Variants in NUP155 observed in about 807,000 individuals in gnomAD.
NUP155 encodes nuclear pore complex protein Nup155.
NUP155 carries 71 observed loss-of-function variants against 180.4 expected under a neutral mutation model. That is an observed-to-expected ratio of 0.39 (90% CI 0.33 to 0.48). The LOEUF (loss-of-function observed/expected upper bound fraction) is 0.48. Ranked by LOEUF, NUP155 falls within the 20% of genes least tolerant of loss-of-function variation. The pLI, the probability that NUP155 is intolerant of heterozygous loss-of-function variation, is 0.91. For synonymous variants in NUP155, 582 were observed against 559.5 expected, an observed-to-expected ratio of 1.04 and a Z score of -0.57; for missense variants, 1,553 against 1,648.9, an observed-to-expected ratio of 0.94 and a Z score of 1.01.
chr5:37,327,505 A>T, intron 18 of NUP155, 124 bp downstream of exon 18: 3 of 998,724 alleles, frequency 3.0e-6, no homozygotes, highest in Admixed American at 4.0e-5. Context: ...TTTATTGATC[A>T]ACAAGTGAGC....
rs2150932215 is a variant in NUP155, at chr5:37,290,044, C to G, written c.*1856G>C. On this transcript the variant is annotated 3_prime_UTR_variant, in exon 35 of 35. Coordinates refer to ENST00000231498, the MANE Select transcript of NUP155 (RefSeq NM_153485.3). The stretch of plus-strand genomic sequence containing the variant: ...AAAAGGGAGCTGAATTCTAAGAGAA[C>G]AAATGTAGAGAAGGCAACCCTATGG... 1 of 152,142 alleles carries G rather than the reference C, an allele frequency of 6.6e-6. No individual in the cohort carries two copies. Among genetic ancestry groups the G allele is most frequent in the African/African-American group, 2.4e-5 (1 of 41,514 alleles). The allele number at this position is 152,142 out of a possible 1,614,324, so 9.4% of individuals were successfully genotyped here. A position where few individuals can be genotyped will look rare whatever the true frequency, so the allele number is the denominator to read the frequency against.
At chr5:37,336,808 C>T (rs1191997676) in intron 12 of NUP155, among the ~76,000 whole-genome samples, 1 of 152,202 alleles carries the variant, frequency 6.6e-6, no homozygotes, top group Non-Finnish European at 1.5e-5. Context: ...GCAGACAATA[C>T]TCCCATCCCT....
chr5:37,364,069 G>T (rs1216073509), intron 2 of NUP155, 85 bp from the exon 3 acceptor site: 3 of 1,231,052 alleles, frequency 2.4e-6, no homozygotes, highest in Non-Finnish European at 3.6e-6. Flanking sequence ...TAATATTTAC[G>T]TAAAAAATCA....
intron 21 of NUP155, 101 bp downstream of exon 21, chr5:37,317,887 G>A: frequency 1.3e-6 from 1 of 791,566 alleles, no homozygotes; most frequent in South Asian, 1.4e-5. Context: ...AAATATTTGT[G>A]TACAAAGTAC....
At chr5:37,317,159 A>C (rs1412385566) in intron 21 of NUP155, among the ~76,000 whole-genome samples, 1 of 149,472 alleles carries the variant, frequency 6.7e-6, no homozygotes, top group Non-Finnish European at 1.5e-5. Context: ...ACAGAGTGAG[A>C]CTCTGTCTCA....
At chr5:37,339,415 C>T (rs1397377335) in intron 11 of NUP155, among the ~76,000 whole-genome samples, 1 of 151,924 alleles carries the variant, frequency 6.6e-6, no homozygotes, top group African/African-American at 2.4e-5. Flanking sequence ...ACTGCTTGAG[C>T]CCAGGAGTTT....
rs1220641468 is a variant in NUP155, at chr5:37,363,767, A to G, written c.392+121T>C. Reference sequence around the variant, plus strand: ...CTCCAGATGACTGATACTGAGAAGCACTGACCCAAAGGCTAGATGAATGAA... The same window carrying G: ...CTCCAGATGACTGATACTGAGAAGCGCTGACCCAAAGGCTAGATGAATGAA... On this transcript the variant is annotated intron_variant, in intron 3 of 34. Transcript: ENST00000231498. 5.6e-6 allele frequency: 4 copies of G among 716,396 alleles called. No individual in the cohort carries two copies. The East Asian group carries it at 1.1e-4, about 19-fold the overall frequency. The allele number at this position is 716,396 out of a possible 1,614,324, so 44.4% of individuals were successfully genotyped here. A position where few individuals can be genotyped will look rare whatever the true frequency, so the allele number is the denominator to read the frequency against.
chr5:37,337,736 A>G, intron 12 of NUP155, 82 bp downstream of exon 12: 1 of 795,650 alleles, frequency 1.3e-6, no homozygotes, highest in South Asian at 1.5e-5. Flanking sequence ...ACAGCAATAC[A>G]TCAGAAGATA....
In NUP155 at chr5:37,355,565, A is replaced by ATTTG. The variant is rs1437728492; in HGVS notation, c.463+2515_463+2516insCAAA. On this transcript the variant is annotated intron_variant, in intron 4 of 34. Coordinates refer to ENST00000231498, the MANE Select transcript of NUP155 (RefSeq NM_153485.3). The stretch of plus-strand genomic sequence containing the variant: ...TGTGTGTGTATATATATATATATTT[A>ATTTG]TTTATTTGTTTGTTTGTTTGTTTGT... Among the ~76,000 whole-genome samples, 11 of 126,810 alleles carry ATTTG rather than the reference A, an allele frequency of 8.7e-5. 1 individual carries two copies. The highest frequency in any genetic ancestry group is 3.8e-4 in the African/African-American group (11 of 28,640). 83.2% of individuals were successfully genotyped at this position (126,810 alleles called of 152,430 possible). A position where few individuals can be genotyped will look rare whatever the true frequency, so the allele number is the denominator to read the frequency against.
intron 30 of NUP155, 40 bp downstream of exon 30, chr5:37,301,397 T>G (rs1030068497): frequency 1.5e-6 from 2 of 1,336,878 alleles, no homozygotes; most frequent in African/African-American, 2.9e-5. Flanking sequence ...TTCTCATTAT[T>G]AGGTAACTAC....
At chr5:37,339,566 T>G (rs891036204) in intron 11 of NUP155, among the ~76,000 whole-genome samples, 1 of 151,958 alleles carries the variant, frequency 6.6e-6, no homozygotes, top group Non-Finnish European at 1.5e-5. Flanking sequence ...AGGTTGAAGC[T>G]ATGGTGACCC....
At chr5:37,334,596 G>C (rs368539286) in intron 12 of NUP155, among the ~76,000 whole-genome samples, 112 of 152,138 alleles carry the variant, frequency 7.4e-4, no homozygotes, top group African/African-American at 2.6e-3. Context: ...GGCCAGGCTG[G>C]TCTCAAACTC....
At chr5:37,334,102 C>T (rs529043461) in intron 12 of NUP155, among the ~76,000 whole-genome samples, 2 of 150,072 alleles carry the variant, frequency 1.3e-5, no homozygotes, top group East Asian at 3.9e-4. Flanking sequence ...CACCTGGCCT[C>T]TGGGGTTTTT....
intron 29 of NUP155, 48 bp downstream of exon 29, chr5:37,302,731 T>C (rs550982856): frequency 1.3e-6 from 2 of 1,599,496 alleles, no homozygotes; most frequent in South Asian, 2.2e-5. Context: ...GGAATAACTA[T>C]GTGGCTAGTA....
At chr5:37,315,007 G>A (rs563160817) in intron 21 of NUP155, among the ~76,000 whole-genome samples, 11 of 152,270 alleles carry the variant, frequency 7.2e-5, no homozygotes, top group African/African-American at 2.2e-4. Flanking sequence ...CGAGTTGGGC[G>A]GATCACCTGA....
chr5:37,291,934 T>A lies in NUP155; in HGVS notation c.4142A>T (p.Lys1381Ile). The change falls in exon 35 of 35, where the codon AAA becomes ATA. Residue 1381 changes from lysine (K) to isoleucine (I), a missense_variant. Coordinates refer to ENST00000231498, the MANE Select transcript of NUP155 (RefSeq NM_153485.3). ...VAVQAITGNF[K>I]SLQAKLERLH ...CCGTTCTAATTTAGCTTGAAGAGAT[T>A]TAAAATTCCCAGTGATGGCTTGTAC... The A allele has an allele frequency of 6.2e-7, 1 of 1,614,092 alleles. No individual in the cohort carries two copies. Among genetic ancestry groups the A allele is most frequent in the Non-Finnish European group, 8.5e-7 (1 of 1,179,976 alleles).
chr5:37,349,819 T>TA (rs1746344148), intron 7 of NUP155, among the ~76,000 whole-genome samples: 2 of 152,202 alleles, frequency 1.3e-5, no homozygotes, highest in South Asian at 4.1e-4. Context: ...ATTCTTTTTA[T>TA]ACTGGAAATT....
chr5:37,331,873 T>G, intron 13 of NUP155, 78 bp from the exon 14 acceptor site: 2 of 885,288 alleles, frequency 2.3e-6, no homozygotes, highest in South Asian at 2.7e-5. Context: ...CCTTATTTGA[T>G]AAAATAAATG....
chr5:37,371,090 C>G lies in NUP155; in HGVS notation c.-113G>C. 1 of 1,030,652 alleles carries G rather than the reference C, an allele frequency of 9.7e-7. No individual in the cohort carries two copies. The highest frequency in any genetic ancestry group is 2.5e-5 in the East Asian group (1 of 40,110). The allele number at this position is 1,030,652 out of a possible 1,614,324, so 63.8% of individuals were successfully genotyped here. ...GCCTAGGGCGCGCGCGCCAAACGAG[C>G]GCCTTGGCGCCTCGACATGACGCAC... is the stretch of plus-strand genomic sequence containing the variant. On this transcript the variant is annotated 5_prime_UTR_variant, in exon 1 of 35. Transcript: ENST00000231498.
Sources: gnomAD v4.1 joint callset for allele counts (sites outside exome capture counted in the v4.1 genomes callset) on GRCh38, gnomAD v4.1.1 for gene constraint, MANE v1.5 for transcripts, NCBI Gene and HGNC (gene_info 2026-07-23, HGNC 2026-07-21) for gene names.